The following KLHL29 variants were observed in gnomAD, a reference collection of about 807,000 sequenced individuals.
KLHL29 encodes the protein kelch like family member 29, also known as kelch-like protein 29.
In KLHL29, 21 loss-of-function variants were observed where a neutral mutation model predicts 80.4. The ratio of observed to expected loss-of-function variants is 0.26; its 90% CI spans 0.19 to 0.38. The LOEUF (loss-of-function observed/expected upper bound fraction) is 0.38. Among genes scored for constraint, KLHL29 ranks in the 10% least tolerant of loss-of-function variants. The probability of loss-of-function intolerance (pLI) is 1.00; values close to 1 mark genes in which losing one functional copy is unlikely to be tolerated. For missense variants in KLHL29, 867 were observed against 1,223.9 expected (o/e 0.71, Z 4.35); for synonymous variants, 511 against 526.8 (o/e 0.97, Z 0.41).
intron 2 of KLHL29, among the ~76,000 whole-genome samples, chr2:23,557,699 A>G (rs1156886001): frequency 6.6e-6 from 1 of 152,080 alleles, no homozygotes; most frequent in Non-Finnish European, 1.5e-5. Flanking sequence ...TCCCAAGCAC[A>G]TCTAGGCATG....
intron 1 of KLHL29, among the ~76,000 whole-genome samples, chr2:23,407,733 C>G (rs1421486236): frequency 6.6e-6 from 1 of 152,090 alleles, no homozygotes. Context: ...TTTTGCAATT[C>G]ATTTTGCAAA....
At chr2:23,442,620 A>G (rs1663562001) in intron 1 of KLHL29, among the ~76,000 whole-genome samples, 1 of 152,222 alleles carries the variant, frequency 6.6e-6, no homozygotes, top group South Asian at 2.1e-4. Flanking sequence ...ACTTCAGCCA[A>G]GTGAGACTCT....
At chr2:23,619,645 A>G (rs1174907468) in intron 3 of KLHL29, among the ~76,000 whole-genome samples, 3 of 152,146 alleles carry the variant, frequency 2.0e-5, no homozygotes, top group East Asian at 1.9e-4. Flanking sequence ...TGAAAAATCA[A>G]TGTCTGGTGT....
At chr2:23,620,254 T>C (rs1009584874) in intron 3 of KLHL29, among the ~76,000 whole-genome samples, 1 of 152,066 alleles carries the variant, frequency 6.6e-6, no homozygotes, top group Admixed American at 6.5e-5. Flanking sequence ...GCGGGGCCCA[T>C]CAGGGAGTTG....
intron 6 of KLHL29, among the ~76,000 whole-genome samples, chr2:23,688,576 G>A (rs536489984): frequency 1.8e-3 from 278 of 152,172 alleles, no homozygotes; most frequent in African/African-American, 6.4e-3. Context: ...GCTGCGTCCC[G>A]GACTCTGGCC....
intron 2 of KLHL29, among the ~76,000 whole-genome samples, chr2:23,526,523 A>G (rs1666324874): frequency 6.6e-6 from 1 of 152,180 alleles, no homozygotes; most frequent in Non-Finnish European, 1.5e-5. Flanking sequence ...GATCCAGCAG[A>G]TGGTGGGAAA....
intron 3 of KLHL29, among the ~76,000 whole-genome samples, chr2:23,622,711 G>A (rs952163409): frequency 1.3e-5 from 2 of 152,186 alleles, no homozygotes; most frequent in African/African-American, 2.4e-5. Context: ...CCTTTAGGAC[G>A]CCCGCTGAGC....
At chr2:23,661,832 A>G (rs368943296) in intron 5 of KLHL29, among the ~76,000 whole-genome samples, 28 of 152,338 alleles carry the variant, frequency 1.8e-4, no homozygotes, top group African/African-American at 6.0e-4. Flanking sequence ...ACATCTCTCT[A>G]TGGCTGCCCT....
chr2:23,389,913 G>A (rs1274924750), intron 1 of KLHL29, among the ~76,000 whole-genome samples: 2 of 152,192 alleles, frequency 1.3e-5, no homozygotes, highest in African/African-American at 2.4e-5. Flanking sequence ...TTCCTGGAAT[G>A]TACTTTTGTC....
chr2:23,481,372 A>G (rs1459152173), intron 2 of KLHL29, among the ~76,000 whole-genome samples: 1 of 152,254 alleles, frequency 6.6e-6, no homozygotes, highest in Non-Finnish European at 1.5e-5. Flanking sequence ...TGGTGTCTTA[A>G]TGTATCCTTT....
Position 23,642,815 on chromosome 2 carries a change from G to A in KLHL29, c.905G>A (p.Gly302Glu). The A allele has an allele frequency of 6.4e-7, 1 of 1,550,450 alleles. No homozygotes were observed. Among genetic ancestry groups the A allele is most frequent in the African/African-American group, 1.4e-5 (1 of 73,164 alleles). ...CAGATGCTGCGGACCATTGGCGTGG[G>A]GAAGTATGAGTTCACCGACCCGGGG... is the stretch of plus-strand genomic sequence containing the variant. ...GLQMLRTIGV[G>E]KYEFTDPGHP... The change falls in exon 5 of 14, where the codon GGG becomes GAG. Residue 302 changes from glycine to glutamate, a missense_variant. By Grantham distance (98) the Gly-to-Glu change is moderately conservative. Around this residue, in one of 2 missense-constraint regions of KLHL29, gnomAD observed 424 missense variants for 456.9 expected, o/e 0.93. Coordinates refer to ENST00000486442, the MANE Select transcript of KLHL29 (RefSeq NM_052920.2).
chr2:23,537,968 C>T (rs1379982274), intron 2 of KLHL29, among the ~76,000 whole-genome samples: 3 of 152,194 alleles, frequency 2.0e-5, no homozygotes, highest in Non-Finnish European at 4.4e-5. Flanking sequence ...AAAAAGGAGG[C>T]TCTGGTCTGT....
intron 1 of KLHL29, among the ~76,000 whole-genome samples, chr2:23,395,633 T>G (rs909999389): frequency 6.6e-6 from 1 of 151,816 alleles, no homozygotes; most frequent in Non-Finnish European, 1.5e-5. Flanking sequence ...TAATCCCAGC[T>G]ACTCAGGAGG....
rs186577449 is a variant in KLHL29 at position 23,507,607 on chromosome 2, C to G, written c.-46+31940C>G. ...GAAATCTAAATGTTTAACGTCTGCTCTTGAGTGTGACTTCACCCCTCCCTT... is the reference window on the plus strand; with the variant it reads ...GAAATCTAAATGTTTAACGTCTGCTGTTGAGTGTGACTTCACCCCTCCCTT... On this transcript the variant is annotated intron_variant, in intron 2 of 13. Coordinates refer to ENST00000486442, the MANE Select transcript of KLHL29 (RefSeq NM_052920.2). Among the ~76,000 whole-genome samples the G allele has an allele frequency of 3.2e-3, 482 of 152,310 alleles. 1 individual carries two copies. Among genetic ancestry groups the G allele is most frequent in the Admixed American group, 7.3e-3 (112 of 15,304 alleles).
chr2:23,415,371 T>C (rs1461646534), intron 1 of KLHL29, among the ~76,000 whole-genome samples: 2 of 152,226 alleles, frequency 1.3e-5, no homozygotes, highest in African/African-American at 2.4e-5. Context: ...CTCTGTCTCT[T>C]TGAGTGTCTG....
chr2:23,444,336 TTTTG>T (rs1180384085), intron 1 of KLHL29, among the ~76,000 whole-genome samples: 2 of 152,206 alleles, frequency 1.3e-5, no homozygotes, highest in Admixed American at 6.5e-5. Flanking sequence ...CAAACTGAAT[TTTTG>T]TTTGTTTGTT....
At chr2:23,698,817 G>A (rs1195195088) in intron 11 of KLHL29, among the ~76,000 whole-genome samples, 7 of 152,148 alleles carry the variant, frequency 4.6e-5, no homozygotes, top group Non-Finnish European at 1.5e-5. Context: ...GCTGACGGGA[G>A]GGCTCATGGC....
chr2:23,694,999 A>T (rs906290060), intron 8 of KLHL29, among the ~76,000 whole-genome samples: 1 of 152,140 alleles, frequency 6.6e-6, no homozygotes, highest in Non-Finnish European at 1.5e-5. Flanking sequence ...CTCGTTACTC[A>T]TGGGATGAAA....
In KLHL29 at chr2:23,414,416, AT is replaced by A. The variant is rs1038612612; in HGVS notation, c.-154+28638del. ...GTCTCCATCCCGTCTCAGAAAGGAAATTGTTAAAAGCAAGAAATTAACAGAC... is the reference window on the plus strand; with the variant it reads ...GTCTCCATCCCGTCTCAGAAAGGAAATGTTAAAAGCAAGAAATTAACAGAC... On this transcript the variant is annotated intron_variant, in intron 1 of 13. Transcript: ENST00000486442. Among the ~76,000 whole-genome samples the A allele has an allele frequency of 2.0e-4, 31 of 152,360 alleles. 1 individual carries two copies. The South Asian group carries it at 3.1e-3, about 15-fold the overall frequency.
Sources: allele counts gnomAD v4.1 joint callset (sites outside exome capture counted in the v4.1 genomes callset), GRCh38; gene constraint gnomAD v4.1.1; regional missense constraint gnomAD v4.1.1; transcripts MANE v1.5; gene names NCBI Gene and HGNC (gene_info 2026-07-23, HGNC 2026-07-21).